Variants in PYGB observed in about 807,000 individuals in gnomAD.
PYGB encodes glycogen phosphorylase, brain form.
PYGB carries 82 observed loss-of-function variants against 94.3 expected under a neutral mutation model. The observed-to-expected ratio is 0.87, with a 90% confidence interval of 0.73 to 1.04. PYGB has a LOEUF of 1.04. Ranked by LOEUF, PYGB falls within the 50% of genes least tolerant of loss-of-function variation. The probability of loss-of-function intolerance (pLI) is 0.00; values close to 1 mark genes in which losing one functional copy is unlikely to be tolerated. For missense variants in PYGB, 1,132 were observed against 1,158.2 expected, an observed-to-expected ratio of 0.98 and a Z score of 0.33; for synonymous variants, 488 against 479.1, an observed-to-expected ratio of 1.02 and a Z score of -0.24.
chr20:25,283,840 T>C (rs1418630692), intron 13 of PYGB, among the ~76,000 whole-genome samples: 6 of 152,110 alleles, frequency 3.9e-5, no homozygotes, highest in Non-Finnish European at 8.8e-5. Context: ...GGCTCTGCAG[T>C]GTCTTCTGCT....
chr20:25,275,861 G>A (rs1018998556), intron 5 of PYGB, among the ~76,000 whole-genome samples: 1 of 152,222 alleles, frequency 6.6e-6, no homozygotes, highest in African/African-American at 2.4e-5. Flanking sequence ...GAAGGGAAAG[G>A]GATACTGGGG....
chr20:25,294,027 C>A, intron 17 of PYGB, 131 bp from the exon 18 acceptor site: 1 of 1,288,508 alleles, frequency 7.8e-7, no homozygotes, highest in Non-Finnish European at 1.1e-6. Context: ...GGCTGCTGCC[C>A]TGGACCGTGC....
At chr20:25,250,230 T>C (rs1181481557) in intron 1 of PYGB, among the ~76,000 whole-genome samples, 1 of 151,730 alleles carries the variant, frequency 6.6e-6, no homozygotes, top group African/African-American at 2.4e-5. Flanking sequence ...TCCTTGGAGC[T>C]GGACCAGGAC....
At chr20:25,252,622 C>G (rs1258387067) in intron 1 of PYGB, among the ~76,000 whole-genome samples, 2 of 152,176 alleles carry the variant, frequency 1.3e-5, no homozygotes, top group African/African-American at 4.8e-5. Flanking sequence ...CAATTACTTA[C>G]AAGGAATACA....
intron 2 of PYGB, 25 bp from the exon 3 acceptor site, chr20:25,269,104 A>G (rs1412824073): frequency 6.6e-7 from 1 of 1,524,156 alleles, no homozygotes; most frequent in Non-Finnish European, 9.1e-7. Flanking sequence ...TAACATTAAA[A>G]TGCTGCCTGT....
intron 2 of PYGB, among the ~76,000 whole-genome samples, chr20:25,260,283 AT>A (rs1319020370): frequency 6.6e-6 from 1 of 152,212 alleles, no homozygotes; most frequent in African/African-American, 2.4e-5. Context: ...AGAACATGTA[AT>A]ATCTTAGTCT....
chr20:25,284,277 C>T, intron 14 of PYGB, 26 bp downstream of exon 14: 3 of 1,603,096 alleles, frequency 1.9e-6, no homozygotes, highest in Non-Finnish European at 1.7e-6. Flanking sequence ...ACCTGCATGA[C>T]CGCGCTGTGG....
intron 2 of PYGB, among the ~76,000 whole-genome samples, chr20:25,266,970 G>A (rs1332746852): frequency 6.6e-6 from 1 of 152,156 alleles, no homozygotes. Context: ...ATGTAGCCTA[G>A]CAATTCCATT....
chr20:25,295,802 T>C, intron 19 of PYGB, 132 bp downstream of exon 19: 8 of 1,020,190 alleles, frequency 7.8e-6, no homozygotes, highest in Non-Finnish European at 1.1e-5. Context: ...TTCTGATCTG[T>C]CATCAGTCGG....
intron 4 of PYGB, among the ~76,000 whole-genome samples, chr20:25,271,728 T>TG (rs1184621003): frequency 1.3e-5 from 2 of 152,248 alleles, no homozygotes; most frequent in East Asian, 3.9e-4. Context: ...ACAGGGAAGT[T>TG]GGGGCGTGCA....
chr20:25,265,416 C>A (rs2088207768), intron 2 of PYGB, among the ~76,000 whole-genome samples: 1 of 152,132 alleles, frequency 6.6e-6, no homozygotes, highest in Admixed American at 6.6e-5. Context: ...TGACAGTAGT[C>A]ATTCTAAATG....
intron 1 of PYGB, 60 bp from the exon 2 acceptor site, chr20:25,259,175 CTG>C (rs1396674960): frequency 1.9e-5 from 27 of 1,423,802 alleles, no homozygotes; most frequent in Admixed American, 6.8e-5. Flanking sequence ...CGTGTCATCT[CTG>C]TAACCTTCCT....
intron 16 of PYGB, among the ~76,000 whole-genome samples, chr20:25,291,865 C>CA (rs1491348286): frequency 1.3e-5 from 2 of 152,154 alleles, no homozygotes; most frequent in Non-Finnish European, 1.5e-5. Context: ...TGTGTGCACT[C>CA]ACAGCGTGTC....
rs200012246 is a variant in PYGB at position 25,296,992 on chromosome 20, C to T, written c.*470C>T. On this transcript the variant is annotated 3_prime_UTR_variant, in exon 20 of 20. Transcript: ENST00000216962. ...GGAAGGGCCAAGCCCCATGTAGCCC[C>T]AGTCATCCTGCCCAGCCCTGCCTCC... 6.0e-6 allele frequency: 1 copy of T among 167,554 alleles called. No homozygotes were observed. The highest frequency in any genetic ancestry group is 1.3e-5 in the Non-Finnish European group (1 of 76,838). The allele number at this position is 167,554 out of a possible 1,614,324, so 10.4% of individuals were successfully genotyped here.
At chr20:25,278,944 G>A (rs992126823) in intron 8 of PYGB, 113 bp from the exon 9 acceptor site, 15 of 997,654 alleles carry the variant, frequency 1.5e-5, no homozygotes, top group East Asian at 2.7e-5. Context: ...CAGGCTTCTC[G>A]GGGGTGGGGT....
rs772068229 is a variant in PYGB, at chr20:25,292,511, C to A, written c.2075C>A (p.Thr692Asn). 1 of 1,613,630 alleles carries A rather than the reference C, an allele frequency of 6.2e-7. No individual in the cohort carries two copies. Among genetic ancestry groups the A allele is most frequent in the Non-Finnish European group, 8.5e-7 (1 of 1,180,018 alleles). Residue 692 changes from threonine (T) to asparagine (N), a missense_variant, in exon 17 of 20, where the codon ACC becomes AAC. Transcript: ENST00000216962. ...CTCAACGGGGCCCTCACCATCGGCACCATGGACGGCGCCAACGTGGAGATG... is the reference window on the plus strand; with the variant it reads ...CTCAACGGGGCCCTCACCATCGGCAACATGGACGGCGCCAACGTGGAGATG... ...FMLNGALTIG[T>N]MDGANVEMAE...
Position 25,282,085 on chromosome 20 carries a change from G to A in PYGB, c.1456G>A (p.Gly486Ser). 1 of 1,613,960 alleles carries A rather than the reference G, an allele frequency of 6.2e-7. No individual in the cohort carries two copies. The highest frequency in any genetic ancestry group is 8.5e-7 in the Non-Finnish European group (1 of 1,179,966). ...EPEKFQNKTN[G>S]ITPRRWLLLC... ...AGAGAAGTTCCAGAATAAGACCAAT[G>A]GCATCACCCCCCGCCGGTGGCTGCT... is the stretch of plus-strand genomic sequence containing the variant. The change falls in exon 12 of 20, where the codon GGC becomes AGC. Residue 486 changes from glycine (G) to serine (S), a missense_variant. By Grantham distance (56) the Gly-to-Ser change is moderately conservative. Transcript: ENST00000216962.
At chr20:25,266,080 A>C (rs1458256394) in intron 2 of PYGB, among the ~76,000 whole-genome samples, 2 of 143,410 alleles carry the variant, frequency 1.4e-5, no homozygotes, top group East Asian at 4.1e-4. Context: ...CAAACTCCTG[A>C]CCTCAAGTTA....
chr20:25,270,434 C>T (rs1210981827), intron 3 of PYGB, among the ~76,000 whole-genome samples: 5 of 152,072 alleles, frequency 3.3e-5, no homozygotes, highest in Admixed American at 2.6e-4. Flanking sequence ...AATCTCCTGA[C>T]CTCGTGATCT....
Sources: allele counts gnomAD v4.1 joint callset (sites outside exome capture counted in the v4.1 genomes callset), GRCh38; gene constraint gnomAD v4.1.1; transcripts MANE v1.5; gene names NCBI Gene and HGNC (gene_info 2026-07-23, HGNC 2026-07-21).